KIF26B: variants seen among roughly 807,000 people sequenced by gnomAD.
The protein encoded by KIF26B is kinesin-like protein KIF26B.
KIF26B carries 63 observed loss-of-function variants against 151.2 expected under a neutral mutation model. The observed-to-expected ratio is 0.42, with a 90% confidence interval of 0.34 to 0.51. KIF26B has a LOEUF of 0.51. Ranked by LOEUF, KIF26B falls within the 20% of genes least tolerant of loss-of-function variation. The probability of loss-of-function intolerance (pLI) is 0.07; values close to 1 mark genes in which losing one functional copy is unlikely to be tolerated. For missense variants in KIF26B, 2,813 were observed against 2,913.6 expected, an observed-to-expected ratio of 0.97 and a Z score of 0.79; for synonymous variants, 1,357 against 1,262.1, an observed-to-expected ratio of 1.08 and a Z score of -1.59.
At chr1:245,448,448 G>T (rs541361963) in intron 4 of KIF26B, among the ~76,000 whole-genome samples, 10 of 152,280 alleles carry the variant, frequency 6.6e-5, no homozygotes, top group Non-Finnish European at 1.5e-4. Context: ...GACCTCAGGT[G>T]ATCTGCCCAC....
At position 245,638,902 on chromosome 1, in the gene KIF26B, G is replaced by A. The variant is rs116058305; in HGVS notation, c.2099-7219G>A. On this transcript the variant is annotated intron_variant, in intron 9 of 14. Transcript: ENST00000407071. ...TTCTGTTTATTGGTATTTTGTTGAGGATTTTTCCCTCTTTTTATCAGAAAT... is the reference window on the plus strand; with the variant it reads ...TTCTGTTTATTGGTATTTTGTTGAGAATTTTTCCCTCTTTTTATCAGAAAT... 6.1e-3 allele frequency among the ~76,000 whole-genome samples: 930 copies of A among 151,838 alleles called. 1 individual carries two copies. The highest frequency in any genetic ancestry group is 0.01 in the Non-Finnish European group (710 of 67,740).
intron 2 of KIF26B, among the ~76,000 whole-genome samples, chr1:245,363,076 G>A (rs1347215924): frequency 6.6e-6 from 1 of 152,200 alleles, no homozygotes. Context: ...TTCTTTTGGT[G>A]CCAGCTGATC....
At chr1:245,626,857 GT>G (rs1251835131) in intron 9 of KIF26B, among the ~76,000 whole-genome samples, 2 of 152,224 alleles carry the variant, frequency 1.3e-5, no homozygotes, top group Middle Eastern at 3.4e-3. Flanking sequence ...TAGAGTTATT[GT>G]TTTTGGTCTT....
chr1:245,270,106 C>T (rs12724292), intron 2 of KIF26B, among the ~76,000 whole-genome samples: 92,938 of 147,108 alleles, frequency 0.63, 30,073 homozygotes, highest in African/African-American at 0.76. Context: ...TCAACACTTA[C>T]TTTCTGCTGT....
rs1668429597 is a variant in KIF26B at position 245,156,266 on chromosome 1, C to T, written c.64-16C>T. On this transcript the variant is annotated splice_polypyrimidine_tract_variant and intron_variant, in intron 1 of 14. Transcript: ENST00000407071. Reference sequence around the variant, plus strand: ...GCCGCCTTGCAGCCCCTGACACCGGCGTGTCTTCCCCGCAGGTGAATGAAG... The same window carrying T: ...GCCGCCTTGCAGCCCCTGACACCGGTGTGTCTTCCCCGCAGGTGAATGAAG... The T allele has an allele frequency of 5.8e-6, 9 of 1,543,734 alleles. No homozygotes were observed. The highest frequency in any genetic ancestry group is 7.0e-6 in the Non-Finnish European group (8 of 1,144,972).
chr1:245,351,282 C>T (rs192889540), intron 2 of KIF26B, among the ~76,000 whole-genome samples: 108 of 152,290 alleles, frequency 7.1e-4, no homozygotes, highest in Middle Eastern at 3.4e-3. Flanking sequence ...TTTCTGTCAT[C>T]GCTGTTGATA....
intron 9 of KIF26B, 79 bp downstream of exon 9, chr1:245,612,055 TG>T (rs2043530031): frequency 2.6e-5 from 2 of 76,916 alleles, no homozygotes; most frequent in Non-Finnish European, 4.9e-5. Context: ...CCATGACCTT[TG>T]TGTGTGTGTG....
At chr1:245,673,642 G>A (rs943665241) in intron 10 of KIF26B, 1 of 152,148 alleles carries the variant, frequency 6.6e-6, no homozygotes, top group African/African-American at 2.4e-5. Context: ...TACAGAAAGG[G>A]GTGCTGTCAA....
intron 4 of KIF26B, among the ~76,000 whole-genome samples, chr1:245,453,269 A>G (rs1483540446): frequency 6.6e-6 from 1 of 152,204 alleles, no homozygotes; most frequent in Non-Finnish European, 1.5e-5. Context: ...GGCAATTTCA[A>G]GCAGCATTAT....
rs893798779 is a variant in KIF26B at position 245,698,680 on chromosome 1, A to G, written c.6028-207A>G. Among the ~76,000 whole-genome samples, 2 of 152,154 alleles carry G rather than the reference A, an allele frequency of 1.3e-5. No individual in the cohort carries two copies. Among genetic ancestry groups the G allele is most frequent in the African/African-American group, 4.8e-5 (2 of 41,434 alleles). On this transcript the variant is annotated intron_variant, in intron 13 of 14. Coordinates refer to ENST00000407071, the MANE Select transcript of KIF26B (RefSeq NM_018012.4). The surrounding 1 kb of genome is among the most constrained non-coding windows in gnomAD (Gnocchi z 4.0). ...TGTCATAGTCCAAAAATGGTCTGTC[A>G]TAGTCCAAGAATGGTCTGTCATAGT...
chr1:245,247,526 G>A (rs1325390941), intron 2 of KIF26B, among the ~76,000 whole-genome samples: 7 of 152,314 alleles, frequency 4.6e-5, no homozygotes, highest in Non-Finnish European at 7.3e-5. Context: ...GAGGCAGGAC[G>A]TGCTAACGAA....
intron 10 of KIF26B, among the ~76,000 whole-genome samples, chr1:245,647,428 A>AAC (rs1457122207): frequency 7.0e-6 from 1 of 142,348 alleles, no homozygotes; most frequent in Non-Finnish European, 1.6e-5. Flanking sequence ...CCTTCTCAAA[A>AAC]AAAAAAAAAA....
chr1:245,272,887 G>A (rs1284402525), intron 2 of KIF26B, among the ~76,000 whole-genome samples: 2 of 152,058 alleles, frequency 1.3e-5, no homozygotes, highest in East Asian at 3.8e-4. Flanking sequence ...AAAAAATGTG[G>A]TATGATTTTA....
chr1:245,599,174 A>T (rs2043365535), intron 5 of KIF26B, among the ~76,000 whole-genome samples: 1 of 152,222 alleles, frequency 6.6e-6, no homozygotes, highest in African/African-American at 2.4e-5. Context: ...TCTCCTAAGC[A>T]CTTTAATTAT....
rs1233174819 is a variant in KIF26B, at chr1:245,618,211, G to T, written c.2098+6235G>T. Among the ~76,000 whole-genome samples the T allele has an allele frequency of 2.0e-5, 3 of 152,198 alleles. No individual in the cohort carries two copies. In the East Asian group the frequency reaches 5.8e-4, roughly 29 times the overall value. ...CTTCTTTGAATTTCAGCAGTGTGGGGGATGTTATGCTTTTGCCTTACTCCG... is the reference window on the plus strand; with the variant it reads ...CTTCTTTGAATTTCAGCAGTGTGGGTGATGTTATGCTTTTGCCTTACTCCG... On this transcript the variant is annotated intron_variant, in intron 9 of 14. Transcript: ENST00000407071.
chr1:245,677,127 G>A (rs1000505185), intron 10 of KIF26B, among the ~76,000 whole-genome samples: 5 of 152,194 alleles, frequency 3.3e-5, no homozygotes, highest in East Asian at 1.9e-4. Flanking sequence ...GCCAACCAGC[G>A]GTCTCAGGAT....
At chr1:245,175,936 G>A (rs140598755) in intron 2 of KIF26B, among the ~76,000 whole-genome samples, 6 of 118,744 alleles carry the variant, frequency 5.1e-5, no homozygotes, top group African/African-American at 2.2e-4. Flanking sequence ...ATATTTAGAT[G>A]TCTATATATA....
rs995765464 is a variant in KIF26B at position 245,358,374 on chromosome 1, G to C, written c.466-8460G>C. Among the ~76,000 whole-genome samples, 3 of 152,130 alleles carry C rather than the reference G, an allele frequency of 2.0e-5. No individual in the cohort carries two copies. Among genetic ancestry groups the C allele is most frequent in the Non-Finnish European group, 4.4e-5 (3 of 68,030 alleles). ...TCTCTAATAAAAATACAAAATATTA[G>C]CCAGGCGTGGTGATGGGTGCCTGTA... On this transcript the variant is annotated intron_variant, in intron 2 of 14. Transcript: ENST00000407071. This position sits in a 1 kb window ranked among gnomAD's most constrained non-coding sequence, Gnocchi z 4.1.
At chr1:245,435,139 C>T (rs1013857689) in intron 4 of KIF26B, among the ~76,000 whole-genome samples, 11 of 121,260 alleles carry the variant, frequency 9.1e-5, no homozygotes, top group African/African-American at 2.6e-4. Context: ...ACCCATCCAT[C>T]CATCCATCCA....
Sources: allele counts gnomAD v4.1 joint callset (sites outside exome capture counted in the v4.1 genomes callset), GRCh38; gene constraint gnomAD v4.1.1; non-coding constraint Gnocchi (gnomAD v3.1); transcripts MANE v1.5; gene names NCBI Gene and HGNC (gene_info 2026-07-23, HGNC 2026-07-21).